LPXN: variants seen among roughly 807,000 people sequenced by gnomAD.
The protein encoded by LPXN is leupaxin.
LPXN carries 28 observed loss-of-function variants against 45.6 expected under a neutral mutation model. That is an observed-to-expected ratio of 0.61 (90% CI 0.45 to 0.84). LPXN has a LOEUF of 0.84. LPXN is among the 40% of genes least tolerant of loss of function. The pLI is 0.00. For synonymous variants in LPXN, 166 were observed against 169.9 expected (o/e 0.98, Z 0.18); for missense variants, 459 against 475.0 (o/e 0.97, Z 0.31).
intron 2 of LPXN, 128 bp downstream of exon 2, chr11:58,570,428 G>A: frequency 8.3e-6 from 5 of 601,650 alleles, no homozygotes; most frequent in Non-Finnish European, 1.4e-5. Context: ...GATTAACATT[G>A]AGGCATTATT....
chr11:58,571,633 T>C (rs780305542), intron 1 of LPXN, among the ~76,000 whole-genome samples: 8 of 150,954 alleles, frequency 5.3e-5, no homozygotes, highest in Admixed American at 1.3e-4. Flanking sequence ...ATTTAAATAG[T>C]TGGGATTTGT....
In LPXN at chr11:58,527,345, T is replaced by G. The variant is rs1041822465; in HGVS notation, c.*109A>C. On this transcript the variant is annotated 3_prime_UTR_variant, in exon 9 of 9. Coordinates refer to ENST00000395074, the MANE Select transcript of LPXN (RefSeq NM_004811.3). The stretch of plus-strand genomic sequence containing the variant: ...TTTATTTGCTCATCACCTTTCCTTT[T>G]TCTATAAGACTATTAAGCAGAAGGT... The G allele has an allele frequency of 1.3e-5, 15 of 1,146,914 alleles. No homozygotes were observed. Among genetic ancestry groups the G allele is most frequent in the Admixed American group, 2.3e-5 (1 of 44,054 alleles). 71.0% of individuals were successfully genotyped at this position (1,146,914 alleles called of 1,614,324 possible). A position where few individuals can be genotyped will look rare whatever the true frequency, so the allele number is the denominator to read the frequency against.
chr11:58,567,686 G>T (rs1854565191), intron 2 of LPXN, among the ~76,000 whole-genome samples: 1 of 152,120 alleles, frequency 6.6e-6, no homozygotes, highest in South Asian at 2.1e-4. Context: ...CACCATATTT[G>T]TACCTTCTGG....
At chr11:58,536,764 A>G (rs1484525263) in intron 7 of LPXN, among the ~76,000 whole-genome samples, 2 of 152,310 alleles carry the variant, frequency 1.3e-5, no homozygotes, top group East Asian at 3.9e-4. Flanking sequence ...TATCCATCTG[A>G]CAAAGGGCTA....
chr11:58,535,994 T>G (rs1478423598), intron 7 of LPXN, among the ~76,000 whole-genome samples: 5 of 152,170 alleles, frequency 3.3e-5, no homozygotes, highest in Admixed American at 3.3e-4. Flanking sequence ...AAACCACTGT[T>G]CAAGGAAATA....
Position 58,527,329 on chromosome 11 carries a change from T to A in LPXN, c.*125A>T. The A allele has an allele frequency of 1.1e-6, 1 of 930,398 alleles. No individual in the cohort carries two copies. The highest frequency in any genetic ancestry group is 1.6e-6 in the Non-Finnish European group (1 of 612,574). The allele number at this position is 930,398 out of a possible 1,614,324, so 57.6% of individuals were successfully genotyped here. A position where few individuals can be genotyped will look rare whatever the true frequency, so the allele number is the denominator to read the frequency against. On this transcript the variant is annotated 3_prime_UTR_variant, in exon 9 of 9. Coordinates refer to ENST00000395074, the MANE Select transcript of LPXN (RefSeq NM_004811.3). ...AAAGTCTAGAAGTTCCTTTATTTGC[T>A]CATCACCTTTCCTTTTTCTATAAGA...
At chr11:58,539,751 A>T (rs1004292560) in intron 7 of LPXN, among the ~76,000 whole-genome samples, 1 of 152,336 alleles carries the variant, frequency 6.6e-6, no homozygotes, top group South Asian at 2.1e-4. Flanking sequence ...ACTCTTATTA[A>T]TAGAAAGTGT....
chr11:58,564,046 C>A, intron 3 of LPXN, 109 bp downstream of exon 3: 1 of 676,690 alleles, frequency 1.5e-6, no homozygotes, highest in Non-Finnish European at 2.6e-6. Context: ...GGATGATATA[C>A]GAGTTCTAAT....
intron 3 of LPXN, among the ~76,000 whole-genome samples, chr11:58,561,727 C>T (rs184828413): frequency 6.6e-6 from 1 of 152,192 alleles, no homozygotes; most frequent in Admixed American, 6.5e-5. Context: ...ACAGTTGGGG[C>T]AAATTTGTGC....
chr11:58,572,892 A>C (rs1402521050), intron 1 of LPXN, among the ~76,000 whole-genome samples: 2 of 152,232 alleles, frequency 1.3e-5, no homozygotes, highest in East Asian at 3.8e-4. Context: ...AGAATTCATT[A>C]AACTATTTTC....
chr11:58,570,675 C>A lies in LPXN; in HGVS notation c.52G>T (p.Asp18Tyr), dbSNP rs199573913. The A allele has an allele frequency of 3.1e-6, 5 of 1,613,282 alleles. No individual in the cohort carries two copies. Among genetic ancestry groups the A allele is most frequent in the East Asian group, 4.5e-5 (2 of 44,860 alleles). Reference protein sequence around the residue: ...LEELERSTLQDSDEYSNPAPL... With the variant: ...LEELERSTLQYSDEYSNPAPL... ...GCTGGGTTGGAATATTCATCACTGT[C>A]CTGAAGGGTGGAGCGTTCCAGTTCC... The change falls in exon 2 of 9, where the codon GAC becomes TAC. Residue 18 changes from aspartate to tyrosine, a missense_variant. Transcript: ENST00000395074.
chr11:58,552,390 C>T (rs1854077426), intron 4 of LPXN, among the ~76,000 whole-genome samples: 1 of 152,088 alleles, frequency 6.6e-6, no homozygotes, highest in African/African-American at 2.4e-5. Flanking sequence ...TCCTTTCCAG[C>T]TGGGCGACTG....
At position 58,527,553 on chromosome 11, in the gene LPXN, C is replaced by T. The variant is rs371090510; in HGVS notation, c.1062G>A (p.Val354=). The T allele has an allele frequency of 4.3e-6, 7 of 1,614,070 alleles. No homozygotes were observed. The Admixed American group carries it at 8.3e-5, about 19-fold the overall frequency. ...ACAACTGTGTCAGGCAGAAAGCACA[C>T]ACAAAGTGCTCAGGATGGAACTTGT... ...MGYKFHPEHF[V]CAFCLTQLSK... is the part of the protein sequence containing the mutation. The change falls in exon 9 of 9, where the codon GTG becomes GTA. Residue 354 remains valine (V), a synonymous_variant. Transcript: ENST00000395074.
chr11:58,558,322 G>A (rs535332977), intron 3 of LPXN, among the ~76,000 whole-genome samples: 1 of 151,944 alleles, frequency 6.6e-6, no homozygotes, highest in East Asian at 1.9e-4. Flanking sequence ...AGGACTGCTT[G>A]AACCCAGGAG....
intron 7 of LPXN, among the ~76,000 whole-genome samples, chr11:58,533,771 G>A (rs1284277164): frequency 6.6e-6 from 1 of 151,996 alleles, no homozygotes; most frequent in African/African-American, 2.4e-5. Flanking sequence ...CTGTATTCAG[G>A]AGACCCATCT....
At chr11:58,544,954 C>T (rs1001036191) in intron 7 of LPXN, among the ~76,000 whole-genome samples, 1 of 152,034 alleles carries the variant, frequency 6.6e-6, no homozygotes, top group Non-Finnish European at 1.5e-5. Context: ...ATTTAATTTC[C>T]CAGGAGGCTC....
upstream of LPXN, chr11:58,577,986 C>G: frequency 6.5e-7 from 1 of 1,549,866 alleles, no homozygotes; most frequent in African/African-American, 1.4e-5. Flanking sequence ...AGTCGCTGAC[C>G]TCTAGGAGCT....
chr11:58,577,963 T>C (rs1181289905), upstream of LPXN: 7 of 1,545,034 alleles, frequency 4.5e-6, no homozygotes, highest in Admixed American at 8.0e-5. Context: ...AAGGACCCCA[T>C]GGAACCAGAT....
At position 58,554,317 on chromosome 11, in the gene LPXN, A is replaced by T. The variant is rs139757429; in HGVS notation, c.318+524T>A. Among the ~76,000 whole-genome samples the T allele has an allele frequency of 5.7e-4, 83 of 146,820 alleles. No homozygotes were observed. The East Asian group carries it at 0.016, about 27-fold the overall frequency. ...AACAGAGCAAGACTCCATCTCAAAA[A>T]CAAACAAACAAACAAACAAACAAAT... On this transcript the variant is annotated intron_variant, in intron 4 of 8. Transcript: ENST00000395074.
Sources: gnomAD v4.1 joint callset for allele counts (sites outside exome capture counted in the v4.1 genomes callset) on GRCh38, gnomAD v4.1.1 for gene constraint, MANE v1.5 for transcripts, NCBI Gene and HGNC (gene_info 2026-07-23, HGNC 2026-07-21) for gene names.